Variants in PIP5K1B observed in about 807,000 individuals in gnomAD.
PIP5K1B encodes the protein phosphatidylinositol-4-phosphate 5-kinase type 1 beta.
Under a neutral mutation model 67.0 loss-of-function variants are expected in PIP5K1B, and 42 were observed. The ratio of observed to expected loss-of-function variants is 0.63; its 90% CI spans 0.49 to 0.81. The LOEUF is 0.81. PIP5K1B is among the 30% of genes least tolerant of loss of function. The pLI is 0.00. For synonymous variants in PIP5K1B, 214 were observed against 231.4 expected, an observed-to-expected ratio of 0.92 and a Z score of 0.68; for missense variants, 459 against 646.3, an observed-to-expected ratio of 0.71 and a Z score of 3.14.
intron 2 of PIP5K1B, chr9:68,788,793 C>A: frequency 3.9e-6 from 1 of 253,498 alleles, no homozygotes; most frequent in South Asian, 5.2e-5. Context: ...CACCATTATT[C>A]CAAAGCATAC....
intron 14 of PIP5K1B, among the ~76,000 whole-genome samples, chr9:68,984,428 A>G (rs927264739): frequency 2.0e-5 from 3 of 152,230 alleles, no homozygotes; most frequent in Non-Finnish European, 4.4e-5. Flanking sequence ...CATAATGAGG[A>G]TAACAAATAG....
chr9:68,940,803 G>A lies in PIP5K1B; in HGVS notation c.1502+13G>A, dbSNP rs1827521825. On this transcript the variant is annotated intron_variant, in intron 14 of 15. Coordinates refer to ENST00000265382, the MANE Select transcript of PIP5K1B (RefSeq NM_003558.4). ...TCTATTCAAACAGGTAATACTTAGT[G>A]CAGTCAAATAACCCATCAGGCTGTT... is the stretch of plus-strand genomic sequence containing the variant. 6.2e-7 allele frequency: 1 copy of A among 1,612,378 alleles called. No homozygotes were observed. Among genetic ancestry groups the A allele is most frequent in the Non-Finnish European group, 8.5e-7 (1 of 1,178,634 alleles).
At chr9:68,868,008 A>G (rs1310629021) in intron 5 of PIP5K1B, among the ~76,000 whole-genome samples, 1 of 152,226 alleles carries the variant, frequency 6.6e-6, no homozygotes, top group Non-Finnish European at 1.5e-5. Flanking sequence ...TATCAAGTAC[A>G]TAATTTGTCC....
chr9:68,985,395 G>A (rs894586495), intron 14 of PIP5K1B, among the ~76,000 whole-genome samples: 10 of 152,000 alleles, frequency 6.6e-5, no homozygotes, highest in South Asian at 2.1e-4. Flanking sequence ...GGGATTACAG[G>A]CTCCCACCAC....
At chr9:68,866,790 G>A (rs1259312481) in intron 5 of PIP5K1B, among the ~76,000 whole-genome samples, 1 of 152,196 alleles carries the variant, frequency 6.6e-6, no homozygotes, top group Non-Finnish European at 1.5e-5. Flanking sequence ...TGTTCTGTGT[G>A]ACTGAAGACA....
At chr9:68,833,280 A>T (rs1834416357) in intron 4 of PIP5K1B, among the ~76,000 whole-genome samples, 1 of 152,194 alleles carries the variant, frequency 6.6e-6, no homozygotes, top group Non-Finnish European at 1.5e-5. Context: ...AGGGGCTGGG[A>T]TCGCGAGTGT....
intron 4 of PIP5K1B, among the ~76,000 whole-genome samples, chr9:68,835,715 C>CT (rs2132127561): frequency 6.6e-6 from 1 of 152,190 alleles, no homozygotes; most frequent in Admixed American, 6.5e-5. Context: ...TGTGGTAGTC[C>CT]TTATTATTGA....
chr9:68,816,733 G>T (rs117526073), intron 2 of PIP5K1B, among the ~76,000 whole-genome samples: 1 of 152,058 alleles, frequency 6.6e-6, no homozygotes, highest in Non-Finnish European at 1.5e-5. Flanking sequence ...GTCCATCTGG[G>T]GCAATATTCC....
intron 14 of PIP5K1B, among the ~76,000 whole-genome samples, chr9:68,946,549 C>A (rs1380515215): frequency 1.3e-5 from 2 of 151,736 alleles, no homozygotes; most frequent in African/African-American, 2.4e-5. Context: ...CGTGCCACCA[C>A]GCCCGGCTAA....
intron 1 of PIP5K1B, among the ~76,000 whole-genome samples, chr9:68,723,558 C>T (rs575418403): frequency 6.6e-6 from 1 of 151,874 alleles, no homozygotes. Context: ...GATGTTATCC[C>T]GTTGTGGTTT....
chr9:68,844,425 T>C (rs1350531448), intron 4 of PIP5K1B, among the ~76,000 whole-genome samples: 1 of 152,112 alleles, frequency 6.6e-6, no homozygotes, highest in Admixed American at 6.5e-5. Context: ...CTTCCACTTG[T>C]GTTGTAGCAG....
intron 14 of PIP5K1B, among the ~76,000 whole-genome samples, chr9:68,976,032 C>T (rs1224774598): frequency 6.6e-6 from 1 of 152,188 alleles, no homozygotes; most frequent in Non-Finnish European, 1.5e-5. Flanking sequence ...GCAATTCAAC[C>T]CATAACAACA....
At position 68,724,558 on chromosome 9, in the gene PIP5K1B, T is replaced by G. The variant is rs557239723; in HGVS notation, c.-242-17943T>G. Among the ~76,000 whole-genome samples the G allele has an allele frequency of 2.6e-5, 4 of 152,262 alleles. No individual in the cohort carries two copies. In the South Asian group the frequency reaches 8.3e-4, roughly 32 times the overall value. On this transcript the variant is annotated intron_variant, in intron 1 of 15. Coordinates refer to ENST00000265382, the MANE Select transcript of PIP5K1B (RefSeq NM_003558.4). The stretch of plus-strand genomic sequence containing the variant: ...GCATTTTAACAATATTCTTCCAATC[T>G]CTGAGCATGAGACATCTTTTCATTT...
At position 68,905,745 on chromosome 9, in the gene PIP5K1B, C is replaced by T. The variant is rs184183673; in HGVS notation, c.771+11107C>T. On this transcript the variant is annotated intron_variant, in intron 8 of 15. Coordinates refer to ENST00000265382, the MANE Select transcript of PIP5K1B (RefSeq NM_003558.4). The stretch of plus-strand genomic sequence containing the variant: ...TTTATAGGGCTTAATTTTATTCATT[C>T]AACATCCAGGGCACATTTATGGAGT... Among the ~76,000 whole-genome samples, 135 of 152,236 alleles carry T rather than the reference C, an allele frequency of 8.9e-4. 1 individual carries two copies. Among genetic ancestry groups the T allele is most frequent in the African/African-American group, 3.2e-3 (131 of 41,538 alleles).
chr9:68,875,599 G>A (rs914274385), intron 5 of PIP5K1B, among the ~76,000 whole-genome samples: 1 of 152,106 alleles, frequency 6.6e-6, no homozygotes, highest in Non-Finnish European at 1.5e-5. Context: ...TTAAACTATA[G>A]TAGATCCAAA....
intron 2 of PIP5K1B, among the ~76,000 whole-genome samples, chr9:68,775,218 C>T (rs1381227469): frequency 8.5e-5 from 13 of 152,202 alleles, no homozygotes; most frequent in Non-Finnish European, 1.9e-4. Flanking sequence ...CACACTGTCA[C>T]CGTAACTTCT....
intron 2 of PIP5K1B, among the ~76,000 whole-genome samples, chr9:68,766,758 C>G (rs1830446553): frequency 1.3e-5 from 2 of 151,240 alleles, no homozygotes; most frequent in Non-Finnish European, 2.9e-5. Flanking sequence ...TCTTTATTAC[C>G]AAAACAAAGG....
At chr9:68,932,745 T>TAAAATAATTTTAA (rs1827061699) in intron 12 of PIP5K1B, among the ~76,000 whole-genome samples, 2 of 152,162 alleles carry the variant, frequency 1.3e-5, no homozygotes, top group Admixed American at 1.3e-4. Context: ...TCACAGATCT[T>TAAAATAATTTTAA]CTGAAAGGGT....
intron 1 of PIP5K1B, among the ~76,000 whole-genome samples, chr9:68,718,405 T>C (rs1827729848): frequency 6.6e-6 from 1 of 152,238 alleles, no homozygotes; most frequent in African/African-American, 2.4e-5. Context: ...AAACAATCTC[T>C]GACTTTAAAA....
Sources: allele counts gnomAD v4.1 joint callset (sites outside exome capture counted in the v4.1 genomes callset), GRCh38; gene constraint gnomAD v4.1.1; transcripts MANE v1.5; gene names NCBI Gene and HGNC (gene_info 2026-07-23, HGNC 2026-07-21).